The following FBXL20 variants were observed in gnomAD, a reference collection of about 807,000 sequenced individuals.
The protein encoded by FBXL20 is F-box/LRR-repeat protein 20.
FBXL20 carries 11 observed loss-of-function variants against 64.0 expected under a neutral mutation model. The observed-to-expected ratio is 0.17, with a 90% CI of 0.11 to 0.28. The LOEUF (loss-of-function observed/expected upper bound fraction) is 0.28. Ranked by LOEUF, FBXL20 falls within the 10% of genes least tolerant of loss-of-function variation. FBXL20 has a pLI of 1.00. For missense variants in FBXL20, 303 were observed against 526.2 expected (o/e 0.58, Z 4.15); for synonymous variants, 184 against 189.0 (o/e 0.97, Z 0.22).
At chr17:39,307,883 A>G (rs906702298) in intron 2 of FBXL20, among the ~76,000 whole-genome samples, 9 of 151,800 alleles carry the variant, frequency 5.9e-5, no homozygotes, top group Admixed American at 3.9e-4. Context: ...AGGCAGGAGA[A>G]TCGCTACAAC....
At chr17:39,327,847 C>T (rs574881479) in intron 2 of FBXL20, among the ~76,000 whole-genome samples, 1 of 152,140 alleles carries the variant, frequency 6.6e-6, no homozygotes, top group South Asian at 2.1e-4. Flanking sequence ...ACTATAGGCG[C>T]CTGCCACCAC....
At chr17:39,331,766 C>CAT (rs2047463727) in intron 2 of FBXL20, among the ~76,000 whole-genome samples, 1 of 152,362 alleles carries the variant, frequency 6.6e-6, no homozygotes, top group African/African-American at 2.4e-5. Flanking sequence ...TGTCATCCCA[C>CAT]ATAGAGAAAC....
Position 39,256,105 on chromosome 17 carries a change from G to C in FBXL20, c.*5355C>G, listed in dbSNP as rs1281195211. 2.0e-5 allele frequency: 3 copies of C among 152,140 alleles called. No individual in the cohort carries two copies. The highest frequency in any genetic ancestry group is 7.2e-5 in the African/African-American group (3 of 41,420). The allele number at this position is 152,140 out of a possible 1,614,324, so 9.4% of individuals were successfully genotyped here. ...GGAGGCCAAGGCAGGTGGACCACTTGAGGTCAGAAGTTCGAGACTAGCCTG... is the reference window on the plus strand; with the variant it reads ...GGAGGCCAAGGCAGGTGGACCACTTCAGGTCAGAAGTTCGAGACTAGCCTG... On this transcript the variant is annotated 3_prime_UTR_variant, in exon 15 of 15. Coordinates refer to ENST00000264658, the MANE Select transcript of FBXL20 (RefSeq NM_032875.3).
At chr17:39,284,833 A>G (rs1468804419) in intron 7 of FBXL20, among the ~76,000 whole-genome samples, 2 of 152,224 alleles carry the variant, frequency 1.3e-5, no homozygotes, top group Non-Finnish European at 2.9e-5. Flanking sequence ...TTATGAGGTG[A>G]TAAGAAAAAG....
At chr17:39,299,387 C>T (rs1196190575) in intron 4 of FBXL20, among the ~76,000 whole-genome samples, 1 of 152,164 alleles carries the variant, frequency 6.6e-6, no homozygotes, top group East Asian at 1.9e-4. Flanking sequence ...GGTTAAGCTG[C>T]AGCTACTGAA....
rs569694658 is a variant in FBXL20 at position 39,279,822 on chromosome 17, CG to C, written c.696+1566del. Among the ~76,000 whole-genome samples the C allele has an allele frequency of 7.2e-5, 11 of 152,040 alleles. No individual in the cohort carries two copies. The South Asian group carries it at 2.1e-3, about 29-fold the overall frequency. On this transcript the variant is annotated intron_variant, in intron 9 of 14. Transcript: ENST00000264658. ...CTGAGGTGGAACAATCACTTGAGCCCGGGAGGTGAAGGTGAGCAAAAATCAC... is the reference window on the plus strand; with the variant it reads ...CTGAGGTGGAACAATCACTTGAGCCCGGAGGTGAAGGTGAGCAAAAATCAC...
rs1430542366 is a variant in FBXL20, at chr17:39,253,444, TAAG to T, written c.*8013_*8015del. 1 of 152,150 alleles carries T rather than the reference TAAG, an allele frequency of 6.6e-6. No homozygotes were observed. Among genetic ancestry groups the T allele is most frequent in the African/African-American group, 2.4e-5 (1 of 41,344 alleles). The allele number at this position is 152,150 out of a possible 1,614,324, so 9.4% of individuals were successfully genotyped here. On this transcript the variant is annotated 3_prime_UTR_variant, in exon 15 of 15. Transcript: ENST00000264658. ...AAACAGGAATGGAGAAAAACAAAAT[TAAG>T]AAATGCAAAATTAAGAAGGCCGCTC...
At chr17:39,293,583 C>T (rs891432195) in intron 6 of FBXL20, among the ~76,000 whole-genome samples, 1 of 152,058 alleles carries the variant, frequency 6.6e-6, no homozygotes, top group African/African-American at 2.4e-5. Context: ...TCTATTTTAG[C>T]CCTACCACCA....
chr17:39,372,445 G>A lies in FBXL20; in HGVS notation c.42+28916C>T, dbSNP rs1001274397. 4.1e-5 allele frequency among the ~76,000 whole-genome samples: 6 copies of A among 147,838 alleles called. No individual in the cohort carries two copies. In the Admixed American group the frequency reaches 4.1e-4, roughly 10 times the overall value. On this transcript the variant is annotated intron_variant, in intron 1 of 14. Coordinates refer to ENST00000264658, the MANE Select transcript of FBXL20 (RefSeq NM_032875.3). ...GAGGCAGGAGAATCGCTTGAACCTG[G>A]GAGGCGGAGGTTGCAGCGAGCCGAG...
chr17:39,319,869 C>T (rs563598899), intron 2 of FBXL20, among the ~76,000 whole-genome samples: 33 of 152,168 alleles, frequency 2.2e-4, no homozygotes, highest in African/African-American at 7.7e-4. Context: ...ACGCCAACTT[C>T]CCAAAGTGCT....
At chr17:39,305,056 C>G (rs1424965553) in intron 2 of FBXL20, among the ~76,000 whole-genome samples, 1 of 152,016 alleles carries the variant, frequency 6.6e-6, no homozygotes, top group Admixed American at 6.6e-5. Context: ...CCACACCCAG[C>G]CCCTGCTGGG....
intron 14 of FBXL20, among the ~76,000 whole-genome samples, chr17:39,262,871 A>G (rs554261039): frequency 6.6e-6 from 1 of 151,334 alleles, no homozygotes; most frequent in East Asian, 2.0e-4. Flanking sequence ...GCGTGGTGGC[A>G]TGCACCTGTA....
Position 39,297,310 on chromosome 17 carries a change from G to A in FBXL20, c.330-115C>T. 5.5e-6 allele frequency: 3 copies of A among 543,448 alleles called. No homozygotes were observed. The East Asian group carries it at 9.2e-5, about 17-fold the overall frequency. 33.7% of individuals were successfully genotyped at this position (543,448 alleles called of 1,614,324 possible). ...ATTGATTGTTGATATCTGTGATACT[G>A]TGATATAAAGGAAAAACATGTATTT... On this transcript the variant is annotated intron_variant, in intron 5 of 14. Transcript: ENST00000264658.
At chr17:39,323,514 G>C (rs2047377677) in intron 2 of FBXL20, among the ~76,000 whole-genome samples, 1 of 151,586 alleles carries the variant, frequency 6.6e-6, no homozygotes, top group Non-Finnish European at 1.5e-5. Flanking sequence ...CAAGATGGGT[G>C]GGGACAGTTA....
chr17:39,401,858 C>A (rs2048250330), upstream of FBXL20: 1 of 409,026 alleles, frequency 2.4e-6, no homozygotes, highest in Non-Finnish European at 3.7e-6. Flanking sequence ...GCCTCCGAGG[C>A]AGACGAGCCC....
Position 39,281,383 on chromosome 17 carries a change from G to A in FBXL20, c.696+6C>T, listed in dbSNP as rs1446741192. 9 of 1,613,134 alleles carry A rather than the reference G, an allele frequency of 5.6e-6. No homozygotes were observed. Among genetic ancestry groups the A allele is most frequent in the Non-Finnish European group, 6.8e-6 (8 of 1,179,492 alleles). On this transcript the variant is annotated splice_donor_region_variant and intron_variant, in intron 9 of 14. Coordinates refer to ENST00000264658, the MANE Select transcript of FBXL20 (RefSeq NM_032875.3). ...AAACAGAAGAGTTGTGAGAAGGGAT[G>A]TTTACCAAGCAAGTCTGCAAGTTCA...
chr17:39,336,802 C>T (rs1192511051), intron 2 of FBXL20, among the ~76,000 whole-genome samples: 12 of 149,450 alleles, frequency 8.0e-5, no homozygotes, highest in Admixed American at 2.0e-4. Context: ...CCAGCCTGGG[C>T]GACAGTGTGA....
chr17:39,265,686 AAT>A (rs1567855564), intron 12 of FBXL20, among the ~76,000 whole-genome samples: 9 of 145,144 alleles, frequency 6.2e-5, no homozygotes, highest in Admixed American at 2.1e-4. Context: ...AAATTAAAAA[AAT>A]TTTTTTTTTT....
At chr17:39,317,686 T>G (rs907532478) in intron 2 of FBXL20, among the ~76,000 whole-genome samples, 9 of 65,418 alleles carry the variant, frequency 1.4e-4, no homozygotes, top group Admixed American at 3.1e-4. Flanking sequence ...TGTTTTTTTT[T>G]TTGTTTTTTT....
Sources: gnomAD v4.1 joint callset for allele counts (sites outside exome capture counted in the v4.1 genomes callset) on GRCh38, gnomAD v4.1.1 for gene constraint, MANE v1.5 for transcripts, NCBI Gene and HGNC (gene_info 2026-07-23, HGNC 2026-07-21) for gene names.